CKMT2: variants seen among roughly 807,000 people sequenced by gnomAD.
CKMT2 encodes the protein creatine kinase S-type, mitochondrial.
A neutral mutation model predicts 48.9 loss-of-function variants in CKMT2; 43 were observed. The observed-to-expected ratio is 0.88, with a 90% CI of 0.69 to 1.13. The LOEUF (loss-of-function observed/expected upper bound fraction) is 1.13, where lower values mean the gene tolerates loss of function less well. Among genes scored for constraint, CKMT2 ranks in the 50% most tolerant of loss-of-function variants. The probability of loss-of-function intolerance (pLI) is 0.00; values close to 1 mark genes in which losing one functional copy is unlikely to be tolerated. For missense variants in CKMT2, 472 were observed against 555.4 expected (o/e 0.85, Z 1.51); for synonymous variants, 206 against 213.0 (o/e 0.97, Z 0.29).
intron 4 of CKMT2, 138 bp from the exon 5 acceptor site, chr5:81,254,855 C>A: frequency 1.4e-6 from 1 of 722,338 alleles, no homozygotes; most frequent in Non-Finnish European, 2.4e-6. Flanking sequence ...GGAATGTGTC[C>A]AATTTACGGA....
intron 1 of CKMT2, among the ~76,000 whole-genome samples, chr5:81,247,158 C>G (rs1186623322): frequency 2.0e-5 from 3 of 152,152 alleles, no homozygotes; most frequent in Non-Finnish European, 4.4e-5. Context: ...CCCTAGTGGT[C>G]TCTGAACAGA....
intron 3 of CKMT2, 26 bp downstream of exon 3, chr5:81,252,919 G>T: frequency 6.2e-7 from 1 of 1,612,624 alleles, no homozygotes; most frequent in Non-Finnish European, 8.5e-7. Flanking sequence ...GCTGGTTCCA[G>T]GGTGGGAGGG....
chr5:81,241,247 G>A (rs1274293921), intron 1 of CKMT2, among the ~76,000 whole-genome samples: 2 of 152,118 alleles, frequency 1.3e-5, no homozygotes, highest in African/African-American at 4.8e-5. Flanking sequence ...ACCAATTCCT[G>A]CTCCTCGTGA....
At chr5:81,261,563 C>T (rs1757225831) in intron 8 of CKMT2, among the ~76,000 whole-genome samples, 1 of 151,244 alleles carries the variant, frequency 6.6e-6, no homozygotes, top group African/African-American at 2.4e-5. Flanking sequence ...AATAGACAAA[C>T]AGAGCCAAAT....
intron 1 of CKMT2, chr5:81,238,034 T>G (rs1381330081): frequency 6.6e-6 from 1 of 152,134 alleles, no homozygotes; most frequent in Non-Finnish European, 1.5e-5. Flanking sequence ...AAAGTGCAAC[T>G]ATTAGAAAAA....
intron 3 of CKMT2, among the ~76,000 whole-genome samples, chr5:81,254,130 CA>C (rs1474091944): frequency 2.0e-5 from 3 of 152,228 alleles, no homozygotes; most frequent in African/African-American, 4.8e-5. Context: ...AATCACTCAG[CA>C]GGAGGTTAAG....
At chr5:81,248,551 G>A (rs1756688783) in intron 1 of CKMT2, among the ~76,000 whole-genome samples, 1 of 152,212 alleles carries the variant, frequency 6.6e-6, no homozygotes, top group Non-Finnish European at 1.5e-5. Flanking sequence ...ATACTGACAT[G>A]ATGACCTGAA....
chr5:81,253,903 C>G (rs768686812), intron 3 of CKMT2, among the ~76,000 whole-genome samples: 5 of 152,198 alleles, frequency 3.3e-5, no homozygotes, highest in Non-Finnish European at 5.9e-5. Context: ...TTTGCCCAAA[C>G]TGCTGCTATG....
intron 1 of CKMT2, among the ~76,000 whole-genome samples, chr5:81,247,535 C>T (rs760080240): frequency 1.3e-5 from 2 of 152,168 alleles, no homozygotes; most frequent in African/African-American, 2.4e-5. Flanking sequence ...GTTCTGACTG[C>T]GCAGCGTTTT....
rs1336784670 is a variant in CKMT2, at chr5:81,266,293, G to T, written c.*35G>T. The T allele has an allele frequency of 6.2e-7, 1 of 1,606,740 alleles. No individual in the cohort carries two copies. The highest frequency in any genetic ancestry group is 8.5e-7 in the Non-Finnish European group (1 of 1,174,684). ...TTCCCAATTTATAAATAATCTGTCT[G>T]CTGGTACGACAGACATAAATCTCTA... On this transcript the variant is annotated 3_prime_UTR_variant, in exon 10 of 10. Transcript: ENST00000254035.
intron 5 of CKMT2, among the ~76,000 whole-genome samples, chr5:81,255,524 G>A (rs1217541441): frequency 1.3e-5 from 2 of 152,220 alleles, no homozygotes; most frequent in Admixed American, 1.3e-4. Context: ...TGATAAATGG[G>A]AACAGTTAGG....
chr5:81,250,635 C>T (rs540455278), intron 1 of CKMT2: 1 of 152,438 alleles, frequency 6.6e-6, no homozygotes, highest in East Asian at 1.9e-4. Flanking sequence ...CAGTCTCAGC[C>T]CCTATTCCCA....
Position 81,256,278 on chromosome 5 carries a change from C to G in CKMT2, c.670-637C>G, listed in dbSNP as rs1215022474. Among the ~76,000 whole-genome samples the G allele has an allele frequency of 2.0e-5, 3 of 152,204 alleles. No homozygotes were observed. In the East Asian group the frequency reaches 5.8e-4, roughly 29 times the overall value. On this transcript the variant is annotated intron_variant, in intron 5 of 9. Transcript: ENST00000254035. ...AGAAGTCTACATTTGAATCTATACTCTGCTACTTCCTACAACCATCCTATT... is the reference window on the plus strand; with the variant it reads ...AGAAGTCTACATTTGAATCTATACTGTGCTACTTCCTACAACCATCCTATT...
chr5:81,244,323 G>GTAACCAC (rs1207580820), intron 1 of CKMT2: 1 of 336,676 alleles, frequency 3.0e-6, no homozygotes, highest in Non-Finnish European at 4.2e-6. Context: ...CTTGGGATGA[G>GTAACCAC]TAACCACTAT....
intron 7 of CKMT2, among the ~76,000 whole-genome samples, 166 bp from the exon 8 acceptor site, chr5:81,258,954 G>T (rs1757111015): frequency 6.6e-6 from 1 of 152,108 alleles, no homozygotes; most frequent in Non-Finnish European, 1.5e-5. Context: ...CATTTTAATA[G>T]TCTGGTAGGA....
At chr5:81,249,843 C>A (rs971132130) in intron 1 of CKMT2, among the ~76,000 whole-genome samples, 1 of 152,146 alleles carries the variant, frequency 6.6e-6, no homozygotes, top group Non-Finnish European at 1.5e-5. Context: ...GGCTCATTAT[C>A]AAAAAATCAG....
intron 1 of CKMT2, among the ~76,000 whole-genome samples, chr5:81,234,115 TG>T (rs1294672775): frequency 1.3e-5 from 2 of 151,666 alleles, no homozygotes; most frequent in Non-Finnish European, 2.9e-5. Context: ...CTTGCTTGGT[TG>T]GTTGTCCCGG....
Position 81,241,789 on chromosome 5 carries a change from A to G in CKMT2, c.-21+8412A>G, listed in dbSNP as rs1229887521. ...CAATCTCCTTAGCAGAATGCTAAAG[A>G]TGTGCATCACTAGTTTAATGTTTAT... On this transcript the variant is annotated intron_variant, in intron 1 of 9. Coordinates refer to ENST00000254035, the MANE Select transcript of CKMT2 (RefSeq NM_001099735.2). Among the ~76,000 whole-genome samples, 8 of 152,374 alleles carry G rather than the reference A, an allele frequency of 5.3e-5. No homozygotes were observed. The East Asian group carries it at 1.3e-3, about 26-fold the overall frequency.
chr5:81,253,624 CA>C (rs1199439498), intron 3 of CKMT2, among the ~76,000 whole-genome samples: 2 of 152,028 alleles, frequency 1.3e-5, no homozygotes, highest in Non-Finnish European at 2.9e-5. Context: ...GAGAGGGAGC[CA>C]TCTTGAATAA....
Sources: allele counts gnomAD v4.1 joint callset (sites outside exome capture counted in the v4.1 genomes callset), GRCh38; gene constraint gnomAD v4.1.1; transcripts MANE v1.5; gene names NCBI Gene and HGNC (gene_info 2026-07-23, HGNC 2026-07-21).